The following BPTF variants were observed in gnomAD, a reference collection of about 807,000 sequenced individuals.
The protein encoded by BPTF is nucleosome-remodeling factor subunit BPTF.
Under a neutral mutation model 292.5 loss-of-function variants are expected in BPTF, and 18 were observed. The ratio of observed to expected loss-of-function variants is 0.06; its 90% CI spans 0.04 to 0.09. The LOEUF (loss-of-function observed/expected upper bound fraction) is 0.09. Ranked by LOEUF, BPTF falls within the 10% of genes least tolerant of loss-of-function variation. BPTF has a pLI of 1.00. For synonymous variants in BPTF, 1,225 were observed against 1,251.9 expected (o/e 0.98, Z 0.45); for missense variants, 2,726 against 3,498.7 (o/e 0.78, Z 5.57).
At chr17:67,901,014 G>A (rs1162803380) in intron 7 of BPTF, among the ~76,000 whole-genome samples, 1 of 151,282 alleles carries the variant, frequency 6.6e-6, no homozygotes, top group Non-Finnish European at 1.5e-5. Flanking sequence ...GTGACAACCT[G>A]TCTTTAAAAA....
chr17:67,836,440 A>G (rs2057138202), intron 1 of BPTF, among the ~76,000 whole-genome samples: 1 of 152,184 alleles, frequency 6.6e-6, no homozygotes. Flanking sequence ...TATGGAAGTT[A>G]AGAAGTATTT....
chr17:67,889,384 C>G (rs1368712492), intron 4 of BPTF, among the ~76,000 whole-genome samples: 2 of 152,192 alleles, frequency 1.3e-5, no homozygotes, highest in Non-Finnish European at 2.9e-5. Flanking sequence ...TTTAAAAGCA[C>G]TGTGTCATTC....
At chr17:67,920,528 G>C (rs1035820708) in intron 13 of BPTF, among the ~76,000 whole-genome samples, 30 of 152,172 alleles carry the variant, frequency 2.0e-4, no homozygotes, top group African/African-American at 7.2e-4. Context: ...TAAAACTACT[G>C]TGAAATACTT....
chr17:67,885,808 A>G (rs1598427880), intron 4 of BPTF, among the ~76,000 whole-genome samples: 1 of 152,216 alleles, frequency 6.6e-6, no homozygotes, highest in African/African-American at 2.4e-5. Flanking sequence ...AGAGATAGTC[A>G]TATCACTTGG....
At chr17:67,975,632 C>T in intron 26 of BPTF, 140 bp from the exon 27 acceptor site, 1 of 603,708 alleles carries the variant, frequency 1.7e-6, no homozygotes, top group Non-Finnish European at 2.7e-6. Context: ...TTATGAATTG[C>T]AAAATAACCT....
At chr17:67,889,314 C>T (rs551107696) in intron 4 of BPTF, among the ~76,000 whole-genome samples, 63 of 152,298 alleles carry the variant, frequency 4.1e-4, no homozygotes, top group Non-Finnish European at 1.5e-5. Flanking sequence ...CTAAATTTAG[C>T]AAGTGATAAA....
chr17:67,862,391 A>T lies in BPTF; in HGVS notation c.1437-4073A>T, dbSNP rs891078806. On this transcript the variant is annotated intron_variant, in intron 2 of 27. Transcript: ENST00000306378. The stretch of plus-strand genomic sequence containing the variant: ...CTACTCTAAACACTTTATATATTTT[A>T]ATTAATTTAATTCTAACAACAGCAT... 2.0e-5 allele frequency among the ~76,000 whole-genome samples: 3 copies of T among 152,174 alleles called. No homozygotes were observed. In the South Asian group the frequency reaches 6.2e-4, roughly 31 times the overall value.
At chr17:67,839,622 G>A (rs1027161674) in intron 1 of BPTF, among the ~76,000 whole-genome samples, 12 of 152,116 alleles carry the variant, frequency 7.9e-5, no homozygotes, top group African/African-American at 2.9e-4. Flanking sequence ...ATGTTGTTGT[G>A]TGTATCAGTA....
chr17:67,880,224 T>TA (rs940307401), intron 4 of BPTF, among the ~76,000 whole-genome samples: 3 of 152,142 alleles, frequency 2.0e-5, no homozygotes, highest in African/African-American at 7.2e-5. Flanking sequence ...AGTCTTTTTT[T>TA]AAAAAAACAC....
chr17:67,938,120 C>T (rs1406132878), intron 18 of BPTF, among the ~76,000 whole-genome samples: 1 of 152,158 alleles, frequency 6.6e-6, no homozygotes, highest in Non-Finnish European at 1.5e-5. Context: ...GGAGTACAGT[C>T]AGAAATTATT....
In BPTF at chr17:67,948,238, G is replaced by T. The variant is rs1555676585; in HGVS notation, c.7858G>T (p.Glu2620Ter). Residue 2620 changes from glutamate to a stop codon, truncating the protein, a stop_gained, in exon 23 of 28, where the codon GAG (glutamate) becomes TAG (stop). Coordinates refer to ENST00000306378, the MANE Select transcript of BPTF (RefSeq NM_182641.4). LOFTEE classifies it high-confidence loss of function. ...GTCAGCTCTGCTCTTCAAGCACAAA[G>T]AGCAGCTCAGAGCCGAGATCCTGAA... Reference protein sequence around the residue: ...KLSALLFKHKEQLRAEILKKR... With the variant: ...KLSALLFKHK The T allele has an allele frequency of 6.2e-7, 1 of 1,614,132 alleles. No homozygotes were observed. Among genetic ancestry groups the T allele is most frequent in the Admixed American group, 1.7e-5 (1 of 60,020 alleles).
chr17:67,838,564 C>G (rs1357851999), intron 1 of BPTF, among the ~76,000 whole-genome samples: 1 of 152,194 alleles, frequency 6.6e-6, no homozygotes, highest in African/African-American at 2.4e-5. Flanking sequence ...GCAACCTCCA[C>G]CTCTTAGGTT....
At chr17:67,874,502 T>A (rs1158832835) in intron 3 of BPTF, among the ~76,000 whole-genome samples, 1 of 152,162 alleles carries the variant, frequency 6.6e-6, no homozygotes, top group Non-Finnish European at 1.5e-5. Flanking sequence ...GTTTTTGTCA[T>A]CTGTCACAGA....
chr17:67,842,721 A>C (rs1472765939), intron 1 of BPTF, among the ~76,000 whole-genome samples: 1 of 151,420 alleles, frequency 6.6e-6, no homozygotes. Flanking sequence ...TAAGCCTTTC[A>C]GTAATTCATG....
rs937290784 is a variant in BPTF at position 67,916,532 on chromosome 17, G to T, written c.5304-2182G>T. Among the ~76,000 whole-genome samples, 3 of 152,140 alleles carry T rather than the reference G, an allele frequency of 2.0e-5. No homozygotes were observed. In the South Asian group the frequency reaches 6.2e-4, roughly 32 times the overall value. On this transcript the variant is annotated intron_variant, in intron 11 of 27. Coordinates refer to ENST00000306378, the MANE Select transcript of BPTF (RefSeq NM_182641.4). ...TTGAACCCGGGAGGCGGAGGTTGCA[G>T]TGAGCCGAGATCGCGCCATTGCACT...
chr17:67,857,149 T>A (rs1010126470), intron 2 of BPTF, among the ~76,000 whole-genome samples: 9 of 59,598 alleles, frequency 1.5e-4, no homozygotes, highest in African/African-American at 3.6e-4. Flanking sequence ...TCTTTAACAA[T>A]TTTTTTTTTT....
Position 67,825,596 on chromosome 17 carries a change from G to C in BPTF, c.-129G>C. 1 of 393,720 alleles carries C rather than the reference G, an allele frequency of 2.5e-6. No homozygotes were observed. Among genetic ancestry groups the C allele is most frequent in the Non-Finnish European group, 4.8e-6 (1 of 210,184 alleles). 24.4% of individuals were successfully genotyped at this position (393,720 alleles called of 1,614,324 possible). A position where few individuals can be genotyped will look rare whatever the true frequency, so the allele number is the denominator to read the frequency against. On this transcript the variant is annotated 5_prime_UTR_variant, in exon 1 of 28. Transcript: ENST00000306378. ...CGGATTGAGCCTTCTCCCTCCACCC[G>C]CTTCCGTCGGCCGGGCCCCTCCCGC...
At chr17:67,849,118 G>A (rs538666932) in intron 1 of BPTF, among the ~76,000 whole-genome samples, 39 of 152,226 alleles carry the variant, frequency 2.6e-4, no homozygotes, top group East Asian at 3.9e-4. Flanking sequence ...GGTAAGGGGA[G>A]TATCCATTTT....
intron 15 of BPTF, 129 bp from the exon 16 acceptor site, chr17:67,928,226 A>T: frequency 9.6e-7 from 1 of 1,040,170 alleles, no homozygotes; most frequent in South Asian, 1.8e-5. Flanking sequence ...TCTTTTTGGA[A>T]GTAAAATACT....
Sources: allele counts gnomAD v4.1 joint callset (sites outside exome capture counted in the v4.1 genomes callset), GRCh38; gene constraint gnomAD v4.1.1; transcripts MANE v1.5; gene names NCBI Gene and HGNC (gene_info 2026-07-23, HGNC 2026-07-21).